The following SNTG1 variants were observed in gnomAD, a reference collection of about 807,000 sequenced individuals.
The protein encoded by SNTG1 is syntrophin gamma 1.
SNTG1 carries 39 observed loss-of-function variants against 74.7 expected under a neutral mutation model. The observed-to-expected ratio is 0.52, with a 90% CI of 0.40 to 0.68. The LOEUF is 0.68. Ranked by LOEUF, SNTG1 falls within the 30% of genes least tolerant of loss-of-function variation. The pLI is 0.00. For synonymous variants in SNTG1, 254 were observed against 217.1 expected, an observed-to-expected ratio of 1.17 and a Z score of -1.49; for missense variants, 685 against 609.5, an observed-to-expected ratio of 1.12 and a Z score of -1.30.
intron 17 of SNTG1, among the ~76,000 whole-genome samples, chr8:50,716,340 C>T (rs1053972792): frequency 1.3e-5 from 2 of 152,024 alleles, no homozygotes; most frequent in African/African-American, 4.8e-5. Context: ...TAGAAATCTT[C>T]ACTATACAAG....
intron 17 of SNTG1, among the ~76,000 whole-genome samples, chr8:50,749,539 G>C (rs2095562506): frequency 1.3e-5 from 2 of 152,154 alleles, no homozygotes; most frequent in South Asian, 4.1e-4. Context: ...TTCATAGGTA[G>C]AGAGGAGAAG....
At chr8:50,640,238 A>G (rs987298327) in intron 13 of SNTG1, among the ~76,000 whole-genome samples, 1 of 152,018 alleles carries the variant, frequency 6.6e-6, no homozygotes, top group South Asian at 2.1e-4. Flanking sequence ...GATTTCCTCT[A>G]TTTATACCCC....
intron 15 of SNTG1, among the ~76,000 whole-genome samples, chr8:50,701,913 C>G (rs2095427446): frequency 6.6e-6 from 1 of 151,146 alleles, no homozygotes; most frequent in African/African-American, 2.4e-5. Flanking sequence ...TGCAGTGGCA[C>G]AGTCTTGGCT....
chr8:50,224,714 C>T (rs1258334499), intron 2 of SNTG1, among the ~76,000 whole-genome samples: 1 of 152,074 alleles, frequency 6.6e-6, no homozygotes, highest in Non-Finnish European at 1.5e-5. Flanking sequence ...ATACTTTCCT[C>T]CCTTTGGAAT....
intron 12 of SNTG1, among the ~76,000 whole-genome samples, chr8:50,577,454 T>G (rs1038205070): frequency 1.3e-5 from 2 of 151,526 alleles, no homozygotes; most frequent in African/African-American, 2.4e-5. Flanking sequence ...CATAGTTTTT[T>G]TTTTTTGTTT....
intron 17 of SNTG1, among the ~76,000 whole-genome samples, chr8:50,749,827 T>C (rs2131693500): frequency 6.6e-6 from 1 of 152,170 alleles, no homozygotes; most frequent in East Asian, 1.9e-4. Context: ...TCACTAAAAA[T>C]GTACCAAATT....
At chr8:49,928,395 CA>C (rs2129352721) in intron 1 of SNTG1, among the ~76,000 whole-genome samples, 1 of 151,800 alleles carries the variant, frequency 6.6e-6, no homozygotes, top group South Asian at 2.1e-4. Flanking sequence ...CGTGCCCAGC[CA>C]ATTTTTTTAT....
intron 2 of SNTG1, among the ~76,000 whole-genome samples, chr8:50,213,002 A>C (rs748834451): frequency 1.3e-5 from 2 of 152,192 alleles, no homozygotes; most frequent in Admixed American, 1.3e-4. Context: ...CTCCATTTGG[A>C]AATAACATTT....
chr8:50,141,835 T>C (rs547701649), intron 1 of SNTG1, among the ~76,000 whole-genome samples: 29 of 152,222 alleles, frequency 1.9e-4, no homozygotes, highest in Middle Eastern at 3.4e-3. Flanking sequence ...TAAGGTTTCA[T>C]AATGCATAAT....
intron 2 of SNTG1, among the ~76,000 whole-genome samples, chr8:50,254,232 A>G (rs896158744): frequency 6.6e-6 from 1 of 152,206 alleles, no homozygotes; most frequent in African/African-American, 2.4e-5. Context: ...CAGAATTGGA[A>G]CCATGAAGAT....
At chr8:50,465,228 C>A (rs1437766646) in intron 8 of SNTG1, among the ~76,000 whole-genome samples, 3 of 152,074 alleles carry the variant, frequency 2.0e-5, no homozygotes, top group Non-Finnish European at 4.4e-5. Context: ...ATCTGTCATT[C>A]ATTTATTTAA....
Position 50,057,274 on chromosome 8 carries a change from G to C in SNTG1, c.-102-115287G>C, listed in dbSNP as rs118191989. ...TTAAAGGGCTATGCTGAGTGGAAAT[G>C]CAGCTGCACAGGTAACTTAAGCTCA... On this transcript the variant is annotated intron_variant, in intron 1 of 18. Transcript: ENST00000642720. 2.6e-3 allele frequency among the ~76,000 whole-genome samples: 395 copies of C among 152,164 alleles called. 8 individuals carry two copies. The South Asian group carries it at 0.034, about 13-fold the overall frequency.
At chr8:50,307,790 AT>A (rs145295583) in intron 2 of SNTG1, among the ~76,000 whole-genome samples, 10,543 of 152,002 alleles carry the variant, frequency 0.069, 411 homozygotes, top group African/African-American at 0.086. Flanking sequence ...TCTGTTCTTC[AT>A]TTTTGTAGAC....
intron 13 of SNTG1, among the ~76,000 whole-genome samples, chr8:50,624,843 T>A (rs1389772073): frequency 6.6e-6 from 1 of 152,136 alleles, no homozygotes; most frequent in Non-Finnish European, 1.5e-5. Flanking sequence ...CCAACGGCAT[T>A]GAGGTTCATA....
At chr8:49,938,683 CCTT>C (rs1018615714) in intron 1 of SNTG1, among the ~76,000 whole-genome samples, 10 of 145,426 alleles carry the variant, frequency 6.9e-5, no homozygotes, top group African/African-American at 1.0e-4. Context: ...TTCCTTCCCT[CCTT>C]CTTTCTTTTT....
chr8:50,311,377 A>T (rs747634892), intron 2 of SNTG1, among the ~76,000 whole-genome samples: 4 of 152,194 alleles, frequency 2.6e-5, no homozygotes, highest in Non-Finnish European at 4.4e-5. Context: ...CACCAACTTC[A>T]CATTTTAAAT....
At chr8:50,557,015 C>T (rs528163554) in intron 12 of SNTG1, among the ~76,000 whole-genome samples, 217 of 152,280 alleles carry the variant, frequency 1.4e-3, no homozygotes, top group African/African-American at 5.0e-3. Flanking sequence ...ACCCTGCACC[C>T]CATCTCACAC....
intron 13 of SNTG1, among the ~76,000 whole-genome samples, chr8:50,642,709 C>T (rs1434919021): frequency 6.6e-6 from 1 of 152,112 alleles, no homozygotes. Context: ...GCAATCGCAG[C>T]TACAATTTCA....
chr8:50,553,235 T>C, intron 12 of SNTG1, 56 bp downstream of exon 12: 1 of 1,603,946 alleles, frequency 6.2e-7, no homozygotes, highest in South Asian at 1.1e-5. Context: ...TATAAAATCC[T>C]TCAGTATATA....
Sources: allele counts gnomAD v4.1 joint callset (sites outside exome capture counted in the v4.1 genomes callset), GRCh38; gene constraint gnomAD v4.1.1; transcripts MANE v1.5; gene names NCBI Gene and HGNC (gene_info 2026-07-23, HGNC 2026-07-21).